The following DCC variants were observed in gnomAD, a reference collection of about 807,000 sequenced individuals.
DCC encodes the protein DCC netrin 1 receptor.
DCC carries 58 observed loss-of-function variants against 172.5 expected under a neutral mutation model. The ratio of observed to expected loss-of-function variants is 0.34; its 90% confidence interval spans 0.27 to 0.42. DCC has a LOEUF of 0.42. DCC is among the 10% of genes least tolerant of loss of function. The pLI is 1.00. For synonymous variants in DCC, 709 were observed against 644.5 expected (o/e 1.10, Z -1.52); for missense variants, 1,740 against 1,791.0 (o/e 0.97, Z 0.51).
At chr18:52,853,393 T>C (rs1598868612) in intron 2 of DCC, among the ~76,000 whole-genome samples, 1 of 152,238 alleles carries the variant, frequency 6.6e-6, no homozygotes, top group East Asian at 1.9e-4. Flanking sequence ...GTTCATTACA[T>C]GTTTGTTACA....
At chr18:53,364,507 A>G (rs2057980799) in intron 15 of DCC, among the ~76,000 whole-genome samples, 1 of 152,122 alleles carries the variant, frequency 6.6e-6, no homozygotes, top group Non-Finnish European at 1.5e-5. Flanking sequence ...AGTTTCTGGC[A>G]CTATATTCAC....
chr18:52,819,356 A>G (rs9304432), intron 2 of DCC, among the ~76,000 whole-genome samples: 17,199 of 152,250 alleles, frequency 0.11, 1,064 homozygotes, highest in South Asian at 0.2. Flanking sequence ...ATTGTGCCTA[A>G]AAGTTTTTCT....
At chr18:52,528,667 A>G (rs1223074007) in intron 1 of DCC, among the ~76,000 whole-genome samples, 1 of 151,940 alleles carries the variant, frequency 6.6e-6, no homozygotes, top group Admixed American at 6.5e-5. Flanking sequence ...TCAGGGAGAT[A>G]GCACAACTCT....
chr18:52,927,146 T>TACGTATATACGTGTATATAC (rs1568192197), intron 5 of DCC, among the ~76,000 whole-genome samples: 3 of 59,084 alleles, frequency 5.1e-5, no homozygotes, highest in African/African-American at 1.2e-4. Flanking sequence ...CGTGTATATA[T>TACGTATATACGTGTATATAC]GTGTATATAT....
chr18:52,763,722 C>G (rs1001333916), intron 2 of DCC, among the ~76,000 whole-genome samples: 4 of 152,154 alleles, frequency 2.6e-5, no homozygotes, highest in Middle Eastern at 3.2e-3. Context: ...CTATCTAATT[C>G]CATAACATTT....
chr18:52,670,707 A>G (rs754670872), intron 1 of DCC, among the ~76,000 whole-genome samples: 68 of 152,096 alleles, frequency 4.5e-4, no homozygotes, highest in Non-Finnish European at 8.4e-4. Context: ...AGGCATGGTG[A>G]AGGGTGCCTG....
At chr18:52,815,717 G>A (rs1309564799) in intron 2 of DCC, among the ~76,000 whole-genome samples, 2 of 152,032 alleles carry the variant, frequency 1.3e-5, no homozygotes, top group Non-Finnish European at 2.9e-5. Flanking sequence ...TTGTATTTGA[G>A]GCATAAAAGC....
At chr18:52,462,858 A>T (rs531762560) in intron 1 of DCC, among the ~76,000 whole-genome samples, 14 of 152,164 alleles carry the variant, frequency 9.2e-5, no homozygotes, top group Middle Eastern at 3.4e-3. Flanking sequence ...TATTGAATGA[A>T]TGAATGAATG....
intron 12 of DCC, among the ~76,000 whole-genome samples, chr18:53,239,050 G>C (rs1320911344): frequency 6.9e-6 from 1 of 145,078 alleles, no homozygotes; most frequent in Non-Finnish European, 1.5e-5. Flanking sequence ...GTTGTGGAGT[G>C]GGGGGAGGGG....
intron 1 of DCC, among the ~76,000 whole-genome samples, chr18:52,656,813 C>T (rs2035262920): frequency 6.6e-6 from 1 of 151,860 alleles, no homozygotes; most frequent in Non-Finnish European, 1.5e-5. Context: ...CATGGGTTTC[C>T]CAGGAAGACT....
chr18:53,459,356 C>T lies in DCC; in HGVS notation c.3517C>T (p.Pro1173Ser). Residue 1173 changes from proline (P) to serine (S), a missense_variant, in exon 24 of 29, where the codon CCT becomes TCT. Physicochemically the swap from Pro to Ser is moderately conservative, Grantham distance 74. Coordinates refer to ENST00000442544, the MANE Select transcript of DCC (RefSeq NM_005215.4). ...KNIEKPSGTD[P>S]AGRDSPIQSC... ...TATTGAAAAGCCATCTGGCACTGAC[C>T]CTGCAGGAAGGGACTCTCCCATCCA... is the stretch of plus-strand genomic sequence containing the variant. The T allele has an allele frequency of 6.2e-7, 1 of 1,613,864 alleles. No homozygotes were observed. Among genetic ancestry groups the T allele is most frequent in the Non-Finnish European group, 8.5e-7 (1 of 1,179,852 alleles).
At chr18:53,308,413 T>C (rs1227821865) in intron 13 of DCC, among the ~76,000 whole-genome samples, 1 of 152,066 alleles carries the variant, frequency 6.6e-6, no homozygotes, top group Non-Finnish European at 1.5e-5. Context: ...AACAACAGTA[T>C]GATATGTATT....
chr18:53,317,888 G>A (rs1449076136), intron 13 of DCC, among the ~76,000 whole-genome samples: 1 of 151,870 alleles, frequency 6.6e-6, no homozygotes, highest in Non-Finnish European at 1.5e-5. Context: ...TTCTTTATTT[G>A]TCTGGCTAGT....
intron 1 of DCC, among the ~76,000 whole-genome samples, chr18:52,465,357 G>A (rs1274952332): frequency 6.6e-6 from 1 of 152,132 alleles, no homozygotes; most frequent in Non-Finnish European, 1.5e-5. Flanking sequence ...TTTATCTGTT[G>A]CTGACTTTTT....
intron 2 of DCC, among the ~76,000 whole-genome samples, chr18:52,791,259 G>A (rs75541153): frequency 2.6e-5 from 4 of 152,130 alleles, no homozygotes; most frequent in Admixed American, 2.0e-4. Context: ...ATGCCCTTAT[G>A]TAGAAGAAAA....
intron 21 of DCC, among the ~76,000 whole-genome samples, chr18:53,427,809 T>C (rs1463659431): frequency 7.9e-6 from 1 of 126,920 alleles, no homozygotes; most frequent in African/African-American, 2.9e-5. Flanking sequence ...AAAACAGAAA[T>C]ATATATAATA....
At chr18:53,497,173 G>A (rs2046034823) in intron 26 of DCC, among the ~76,000 whole-genome samples, 1 of 152,170 alleles carries the variant, frequency 6.6e-6, no homozygotes, top group Non-Finnish European at 1.5e-5. Context: ...TAGAGAAATA[G>A]CCACAGGAAC....
chr18:53,158,127 GT>G (rs2054775406), intron 8 of DCC, among the ~76,000 whole-genome samples: 1 of 127,712 alleles, frequency 7.8e-6, no homozygotes, highest in Non-Finnish European at 1.7e-5. Context: ...AAAATTAAAA[GT>G]TTTTTAAAAA....
At chr18:52,451,036 G>T (rs1324692207) in intron 1 of DCC, among the ~76,000 whole-genome samples, 1 of 152,166 alleles carries the variant, frequency 6.6e-6, no homozygotes, top group Non-Finnish European at 1.5e-5. Context: ...GAAAGGTTAG[G>T]TGACCAGCTA....
Sources: allele counts gnomAD v4.1 joint callset (sites outside exome capture counted in the v4.1 genomes callset), GRCh38; gene constraint gnomAD v4.1.1; transcripts MANE v1.5; gene names NCBI Gene and HGNC (gene_info 2026-07-23, HGNC 2026-07-21).